Variants in KIF27 observed in about 807,000 individuals in gnomAD.
KIF27 encodes kinesin family member 27.
KIF27 carries 84 observed loss-of-function variants against 141.8 expected under a neutral mutation model. The observed-to-expected ratio is 0.59, with a 90% CI of 0.50 to 0.71. The LOEUF (loss-of-function observed/expected upper bound fraction) is 0.71, where lower values mean the gene tolerates loss of function less well. Ranked by LOEUF, KIF27 falls within the 30% of genes least tolerant of loss-of-function variation. KIF27 has a pLI of 0.00. For missense variants in KIF27, 1,306 were observed against 1,628.4 expected (o/e 0.80, Z 3.41); for synonymous variants, 471 against 569.5 (o/e 0.83, Z 2.46).
At chr9:83,852,173 C>T (rs534497061) in intron 15 of KIF27, among the ~76,000 whole-genome samples, 93 of 149,510 alleles carry the variant, frequency 6.2e-4, no homozygotes, top group African/African-American at 2.1e-3. Context: ...AGCCTGGGCG[C>T]GGTGGCTCAC....
chr9:83,866,871 T>A (rs772859321), intron 13 of KIF27, among the ~76,000 whole-genome samples: 24 of 151,036 alleles, frequency 1.6e-4, no homozygotes, highest in Non-Finnish European at 2.4e-4. Context: ...AAAAAAAAAA[T>A]GAAGTATATA....
chr9:83,853,809 T>G lies in KIF27; in HGVS notation c.3177A>C (p.Glu1059Asp). The G allele has an allele frequency of 6.2e-7, 1 of 1,612,114 alleles. No homozygotes were observed. The highest frequency in any genetic ancestry group is 1.1e-5 in the South Asian group (1 of 91,036). The stretch of plus-strand genomic sequence containing the variant: ...CAGCTTCCAAAGCTTCAATCCCTTC[T>G]TCAAGTTGGAAAAGAACATGTTCTT... The part of the protein sequence containing the change: ...PEEEHVLFQL[E>D]EGIEALEAAI... Residue 1059 changes from glutamate to aspartate, a missense_variant, in exon 15 of 18, where the codon GAA becomes GAC. By Grantham distance (45) the Glu-to-Asp change is conservative. This residue lies in a region of KIF27 where 596 missense variants were observed against 751.6 expected (regional missense o/e 0.79). Transcript: ENST00000297814.
chr9:83,864,566 C>T (rs544145716), intron 13 of KIF27, among the ~76,000 whole-genome samples: 5 of 152,290 alleles, frequency 3.3e-5, no homozygotes, highest in African/African-American at 1.2e-4. Context: ...TATTCTTTTA[C>T]ATTTGCTGAG....
Position 83,834,253 on chromosome 9 carries a change from A to G in KIF27, c.*2748T>C, listed in dbSNP as rs1427543352. Among the ~76,000 whole-genome samples the G allele has an allele frequency of 6.6e-6, 1 of 152,192 alleles. No individual in the cohort carries two copies. The highest frequency in any genetic ancestry group is 1.9e-4 in the East Asian group (1 of 5,204). On this transcript the variant is annotated 3_prime_UTR_variant, in exon 18 of 18. Coordinates refer to ENST00000297814, the MANE Select transcript of KIF27 (RefSeq NM_017576.4). ...GTGAAAAAGTAAAATCATTATTAGTATATGTAAAAAAATAATTTTACTTGC... is the reference window on the plus strand; with the variant it reads ...GTGAAAAAGTAAAATCATTATTAGTGTATGTAAAAAAATAATTTTACTTGC...
intron 11 of KIF27, among the ~76,000 whole-genome samples, chr9:83,876,947 G>A (rs943834871): frequency 2.0e-5 from 3 of 152,056 alleles, no homozygotes; most frequent in Non-Finnish European, 2.9e-5. Flanking sequence ...GTGTGGTGGT[G>A]TGCGTCTGTA....
chr9:83,895,893 A>T (rs1316482854), intron 5 of KIF27, among the ~76,000 whole-genome samples: 2 of 151,986 alleles, frequency 1.3e-5, no homozygotes, highest in Non-Finnish European at 2.9e-5. Context: ...TACTAAAAAT[A>T]CAAAAAAAAT....
chr9:83,869,646 G>A (rs1314161902), intron 12 of KIF27, among the ~76,000 whole-genome samples: 1 of 152,152 alleles, frequency 6.6e-6, no homozygotes, highest in Non-Finnish European at 1.5e-5. Flanking sequence ...AGAATGGTGT[G>A]AACCCGGGAG....
In KIF27 at chr9:83,856,739, CAAA is replaced by C. The variant is rs1164022379; in HGVS notation, c.3150+2414_3150+2416del. ...CTGGTGACAGAGCAAGACTCCGTCT[CAAA>C]AAAAAAAAAAAAAAAAAATTAGCTG... On this transcript the variant is annotated intron_variant, in intron 14 of 17. Coordinates refer to ENST00000297814, the MANE Select transcript of KIF27 (RefSeq NM_017576.4). Among the ~76,000 whole-genome samples the C allele has an allele frequency of 1.2e-4, 8 of 64,360 alleles. No individual in the cohort carries two copies. In the South Asian group the frequency reaches 2.2e-3, roughly 18 times the overall value. 42.2% of individuals were successfully genotyped at this position (64,360 alleles called of 152,430 possible). A position where few individuals can be genotyped will look rare whatever the true frequency, so the allele number is the denominator to read the frequency against.
At chr9:83,882,617 C>T (rs955745317) in intron 10 of KIF27, among the ~76,000 whole-genome samples, 7 of 152,158 alleles carry the variant, frequency 4.6e-5, no homozygotes, top group Non-Finnish European at 1.5e-5. Context: ...GTCAAAGGTA[C>T]AAAATTTCTA....
chr9:83,907,027 A>C (rs1361689840), intron 3 of KIF27, among the ~76,000 whole-genome samples: 1 of 151,984 alleles, frequency 6.6e-6, no homozygotes, highest in Non-Finnish European at 1.5e-5. Context: ...ATGGTGGCTC[A>C]TGCCTGTAAT....
In KIF27 at chr9:83,853,759, A is replaced by T. The variant is rs749616984; in HGVS notation, c.3227T>A (p.Ile1076Asn). 2 of 1,613,832 alleles carry T rather than the reference A, an allele frequency of 1.2e-6. No individual in the cohort carries two copies. Among genetic ancestry groups the T allele is most frequent in the South Asian group, 2.2e-5 (2 of 91,068 alleles). ...EAAIEYRNES[I>N]QNRQKSLRAS... ...TCTAAGTGACTTCTGGCGATTCTGGATACTTTCATTCCTGTATTCAATTGC... is the reference window on the plus strand; with the variant it reads ...TCTAAGTGACTTCTGGCGATTCTGGTTACTTTCATTCCTGTATTCAATTGC... Residue 1076 changes from isoleucine to asparagine, a missense_variant, in exon 15 of 18, where the codon ATC becomes AAC. Ile to Asn is a moderately radical substitution (Grantham distance 149). Coordinates refer to ENST00000297814, the MANE Select transcript of KIF27 (RefSeq NM_017576.4).
At chr9:83,848,210 T>TG (rs1483826402) in intron 16 of KIF27, among the ~76,000 whole-genome samples, 1 of 50,854 alleles carries the variant, frequency 2.0e-5, no homozygotes, top group Non-Finnish European at 3.7e-5. Context: ...TCAGATATGA[T>TG]ATATATGATA....
At chr9:83,899,593 A>C in intron 5 of KIF27, 68 bp downstream of exon 5, 1 of 1,093,222 alleles carries the variant, frequency 9.1e-7, no homozygotes, top group East Asian at 2.4e-5. Flanking sequence ...TATCATTTAA[A>C]ATGCTACTGT....
In KIF27 at chr9:83,874,897, G is replaced by T. The variant is rs1951083721; in HGVS notation, c.2644-4265C>A. Among the ~76,000 whole-genome samples, 3 of 140,684 alleles carry T rather than the reference G, an allele frequency of 2.1e-5. No homozygotes were observed. In the South Asian group the frequency reaches 6.7e-4, roughly 32 times the overall value. The allele number at this position is 140,684 out of a possible 152,430, so 92.3% of individuals were successfully genotyped here. On this transcript the variant is annotated intron_variant, in intron 11 of 17. Transcript: ENST00000297814. The stretch of plus-strand genomic sequence containing the variant: ...TACAGTGAGCCATGATCACATCACT[G>T]CACTCAAGCCTGGATGACAGAGCAA...
intron 1 of KIF27, among the ~76,000 whole-genome samples, chr9:83,918,525 T>A (rs1047085988): frequency 1.1e-4 from 16 of 152,300 alleles, no homozygotes; most frequent in African/African-American, 3.1e-4. Flanking sequence ...AAAAGTTTTT[T>A]AAAAATTTTA....
rs571657802 is a variant in KIF27, at chr9:83,842,726, A to G, written c.3557-325T>C. On this transcript the variant is annotated intron_variant, in intron 16 of 17. Coordinates refer to ENST00000297814, the MANE Select transcript of KIF27 (RefSeq NM_017576.4). ...CGTGATCCGCCCGCCTCGGCCTCCC[A>G]AAGTGCTGGGATTACAGACATGAGC... 3.5e-3 allele frequency among the ~76,000 whole-genome samples: 533 copies of G among 152,246 alleles called. 1 individual carries two copies. The highest frequency in any genetic ancestry group is 1.0e-2 in the African/African-American group (415 of 41,542).
chr9:83,837,863 A>G lies in KIF27; in HGVS notation c.3722-378T>C, dbSNP rs555815560. On this transcript the variant is annotated intron_variant, in intron 17 of 17. Transcript: ENST00000297814. ...TGGCCAAGTGATGCCAGCACTGGATAATATTGGCTCTGCCCCATATCTCGA... is the reference window on the plus strand; with the variant it reads ...TGGCCAAGTGATGCCAGCACTGGATGATATTGGCTCTGCCCCATATCTCGA... The G allele has an allele frequency of 2.3e-4, 40 of 176,778 alleles. No individual in the cohort carries two copies. The East Asian group carries it at 5.6e-3, about 25-fold the overall frequency. The allele number at this position is 176,778 out of a possible 1,614,324, so 11.0% of individuals were successfully genotyped here.
At position 83,889,289 on chromosome 9, in the gene KIF27, G is replaced by C. The variant is rs772349240; in HGVS notation, c.1810-36C>G. On this transcript the variant is annotated intron_variant, in intron 6 of 17. Coordinates refer to ENST00000297814, the MANE Select transcript of KIF27 (RefSeq NM_017576.4). ...ATTCCCCCACCCAACAACAAAAAAAGTGATATTTTAAAAGTCTAATTTTAT... is the reference window on the plus strand; with the variant it reads ...ATTCCCCCACCCAACAACAAAAAAACTGATATTTTAAAAGTCTAATTTTAT... 9 of 1,556,216 alleles carry C rather than the reference G, an allele frequency of 5.8e-6. No individual in the cohort carries two copies. In the South Asian group the frequency reaches 1.1e-4, roughly 19 times the overall value.
intron 3 of KIF27, among the ~76,000 whole-genome samples, chr9:83,907,949 T>C (rs1315889755): frequency 6.6e-6 from 1 of 152,168 alleles, no homozygotes; most frequent in Non-Finnish European, 1.5e-5. Flanking sequence ...TCTGAACTAC[T>C]TTTTCATCTG....
Sources: gnomAD v4.1 joint callset for allele counts (sites outside exome capture counted in the v4.1 genomes callset) on GRCh38, gnomAD v4.1.1 for gene constraint, gnomAD v4.1.1 regional missense constraint, MANE v1.5 for transcripts, NCBI Gene and HGNC (gene_info 2026-07-23, HGNC 2026-07-21) for gene names.